Variants in NFATC1 observed in about 807,000 individuals in gnomAD.
The protein encoded by NFATC1 is nuclear factor of activated T-cells, cytoplasmic 1.
A neutral mutation model predicts 76.0 loss-of-function variants in NFATC1; 22 were observed. The observed-to-expected ratio is 0.29, with a 90% CI of 0.21 to 0.41. NFATC1 has a LOEUF of 0.41. NFATC1 is among the 10% of genes least tolerant of loss of function. The probability of loss-of-function intolerance (pLI) is 1.00; values close to 1 mark genes in which losing one functional copy is unlikely to be tolerated. For synonymous variants in NFATC1, 704 were observed against 613.1 expected (o/e 1.15, Z -2.19); for missense variants, 1,357 against 1,337.7 (o/e 1.01, Z -0.23).
At chr18:79,429,059 A>T (rs1212808977) in intron 2 of NFATC1, among the ~76,000 whole-genome samples, 1 of 152,038 alleles carries the variant, frequency 6.6e-6, no homozygotes, top group Non-Finnish European at 1.5e-5. Flanking sequence ...TGTCTCTACT[A>T]AAAATACAAA....
At chr18:79,399,704 G>A (rs2085119521) in intron 1 of NFATC1, among the ~76,000 whole-genome samples, 1 of 152,236 alleles carries the variant, frequency 6.6e-6, no homozygotes, top group Admixed American at 6.5e-5. Context: ...GGGCGCGCAG[G>A]GCGGGTGTTT....
At chr18:79,467,810 A>T in intron 8 of NFATC1, 1 of 1,091,264 alleles carries the variant, frequency 9.2e-7, no homozygotes. Flanking sequence ...GGGGTTGCAT[A>T]CTCAGATAGT....
In NFATC1 at chr18:79,410,707, C is replaced by T. The variant is rs2085640522; in HGVS notation, c.432C>T (p.Val144=). The change falls in exon 2 of 10, where the codon GTC becomes GTT. Residue 144 remains valine, a synonymous_variant. Transcript: ENST00000427363. The surrounding 1 kb of genome is among the most constrained non-coding windows in gnomAD (Gnocchi z 6.7). ...QFFHDVEVED[V]LPSSKRSPST... ...TCCACGATGTGGAGGTGGAAGACGTCCTCCCTAGCTCCAAACGGTCCCCCT... is the reference window on the plus strand; with the variant it reads ...TCCACGATGTGGAGGTGGAAGACGTTCTCCCTAGCTCCAAACGGTCCCCCT... 2 of 1,613,100 alleles carry T rather than the reference C, an allele frequency of 1.2e-6. No individual in the cohort carries two copies. The highest frequency in any genetic ancestry group is 1.7e-6 in the Non-Finnish European group (2 of 1,180,022).
At chr18:79,403,899 A>G (rs2148149996) in intron 1 of NFATC1, among the ~76,000 whole-genome samples, 1 of 152,360 alleles carries the variant, frequency 6.6e-6, no homozygotes, top group Non-Finnish European at 1.5e-5. Context: ...GAGAGGTCCC[A>G]GGGGAGAGCT....
intron 1 of NFATC1, among the ~76,000 whole-genome samples, chr18:79,404,399 C>G (rs2085365503): frequency 6.6e-6 from 1 of 152,246 alleles, no homozygotes; most frequent in African/African-American, 2.4e-5. Flanking sequence ...CTGACCACGT[C>G]CCGGTGCCAC....
chr18:79,431,383 G>A (rs1019161566), intron 2 of NFATC1, among the ~76,000 whole-genome samples: 1 of 152,142 alleles, frequency 6.6e-6, no homozygotes, highest in African/African-American at 2.4e-5. Flanking sequence ...TTGAGACAGA[G>A]TCTTGCCCTG....
chr18:79,409,646 G>A (rs1022107134), intron 1 of NFATC1, among the ~76,000 whole-genome samples: 21 of 151,360 alleles, frequency 1.4e-4, no homozygotes, highest in African/African-American at 2.9e-4. Context: ...TTCACCCCCC[G>A]TCCATCATGA....
In NFATC1 at chr18:79,410,292, C is replaced by T. The variant is rs2085618867; in HGVS notation, c.128-111C>T. On this transcript the variant is annotated intron_variant, in intron 1 of 9. Transcript: ENST00000427363. This position sits in a 1 kb window ranked among gnomAD's most constrained non-coding sequence, Gnocchi z 6.7. ...CAGGGACGTTTGCTGAGGCCCGCTC[C>T]TTGGGGTCCGTTGGTCGAGGCCGGG... 2 of 1,505,660 alleles carry T rather than the reference C, an allele frequency of 1.3e-6. No homozygotes were observed. Among genetic ancestry groups the T allele is most frequent in the Admixed American group, 2.1e-5 (1 of 48,444 alleles). The allele number at this position is 1,505,660 out of a possible 1,614,324, so 93.3% of individuals were successfully genotyped here.
intron 9 of NFATC1, among the ~76,000 whole-genome samples, chr18:79,526,427 TG>T (rs748370606): frequency 6.6e-6 from 1 of 152,238 alleles, no homozygotes; most frequent in Non-Finnish European, 1.5e-5. Context: ...CACGCGTGCC[TG>T]TGTCTTTACA....
At chr18:79,424,235 G>A (rs1047915848) in intron 2 of NFATC1, among the ~76,000 whole-genome samples, 7 of 152,078 alleles carry the variant, frequency 4.6e-5, no homozygotes, top group African/African-American at 1.4e-4. Flanking sequence ...CGGCGTGTGC[G>A]GGCCCACCTG....
chr18:79,508,990 G>T (rs1435071587), intron 9 of NFATC1, among the ~76,000 whole-genome samples: 1 of 152,112 alleles, frequency 6.6e-6, no homozygotes, highest in African/African-American at 2.4e-5. Flanking sequence ...TGCTGGAGTG[G>T]ACAGGGTTGT....
At chr18:79,404,007 C>T (rs2085352308) in intron 1 of NFATC1, among the ~76,000 whole-genome samples, 2 of 152,182 alleles carry the variant, frequency 1.3e-5, no homozygotes, top group Non-Finnish European at 2.9e-5. Context: ...GAGGTGTTTC[C>T]GTGGAGGGTG....
chr18:79,431,759 GT>G (rs2086596517), intron 2 of NFATC1, among the ~76,000 whole-genome samples: 1 of 151,908 alleles, frequency 6.6e-6, no homozygotes, highest in African/African-American at 2.4e-5. Context: ...CTGGAGTGCA[GT>G]GGCGCGATCT....
intron 9 of NFATC1, among the ~76,000 whole-genome samples, chr18:79,505,736 T>C (rs1436538696): frequency 1.4e-4 from 18 of 129,184 alleles, no homozygotes; most frequent in African/African-American, 4.9e-4. Flanking sequence ...GGCAGGAGAC[T>C]GCTGTGTGGG....
At chr18:79,486,125 C>T in intron 8 of NFATC1, 123 bp from the exon 9 acceptor site, 1 of 810,880 alleles carries the variant, frequency 1.2e-6, no homozygotes, top group Non-Finnish European at 2.0e-6. Context: ...GAGAACCAGG[C>T]AGGAGACAGA....
chr18:79,478,513 G>A (rs978573946), intron 8 of NFATC1, among the ~76,000 whole-genome samples: 6 of 152,166 alleles, frequency 3.9e-5, no homozygotes, highest in Non-Finnish European at 5.9e-5. Flanking sequence ...GAGGGGCTGC[G>A]GTGGGTGAAG....
chr18:79,490,181 T>C (rs956555678), intron 9 of NFATC1, among the ~76,000 whole-genome samples: 2 of 151,640 alleles, frequency 1.3e-5, no homozygotes, highest in African/African-American at 4.8e-5. Flanking sequence ...GTTCTGCTCG[T>C]GGTGTGTGTG....
intron 9 of NFATC1, among the ~76,000 whole-genome samples, chr18:79,508,275 C>T (rs2090163641): frequency 6.6e-6 from 1 of 151,726 alleles, no homozygotes. Flanking sequence ...AGCCTGGTCA[C>T]CTGGCTGGAG....
intron 4 of NFATC1, among the ~76,000 whole-genome samples, chr18:79,450,242 C>T (rs1272777460): frequency 6.6e-6 from 1 of 152,034 alleles, no homozygotes. Context: ...CTTTTTAGTG[C>T]ATTGAGAATG....
Sources: allele counts gnomAD v4.1 joint callset (sites outside exome capture counted in the v4.1 genomes callset), GRCh38; gene constraint gnomAD v4.1.1; non-coding constraint Gnocchi (gnomAD v3.1); transcripts MANE v1.5; gene names NCBI Gene and HGNC (gene_info 2026-07-23, HGNC 2026-07-21).